RAI1: variants seen among roughly 807,000 people sequenced by gnomAD.
RAI1 encodes the protein retinoic acid induced 1.
A neutral mutation model predicts 123.8 loss-of-function variants in RAI1; 9 were observed. The observed-to-expected ratio is 0.07, with a 90% CI of 0.04 to 0.13. The LOEUF (loss-of-function observed/expected upper bound fraction) is 0.13. RAI1 is among the 10% of genes least tolerant of loss of function. RAI1 has a pLI of 1.00. For missense variants in RAI1, 2,256 were observed against 2,545.8 expected (o/e 0.89, Z 2.45); for synonymous variants, 1,231 against 1,127.3 (o/e 1.09, Z -1.84).
intron 2 of RAI1, among the ~76,000 whole-genome samples, chr17:17,785,700 C>G (rs570295811): frequency 6.6e-6 from 1 of 152,174 alleles, no homozygotes; most frequent in Non-Finnish European, 1.5e-5. Flanking sequence ...CTGAGTGCAC[C>G]TCCTGCACGG....
rs1406831309 is a variant in RAI1, at chr17:17,794,121, C to A, written c.1173C>A (p.His391Gln). Residue 391 changes from histidine to glutamine, a missense_variant, in exon 3 of 6, where the codon CAC becomes CAA. Transcript: ENST00000353383. ...AFPAGITDHS[H>Q]FMPLLNPSPT... ...CCGCAGGGATCACTGACCACAGCCA[C>A]TTCATGCCCCTGCTCAATCCCTCCC... 1.2e-6 allele frequency: 2 copies of A among 1,614,026 alleles called. No homozygotes were observed. Among genetic ancestry groups the A allele is most frequent in the African/African-American group, 2.7e-5 (2 of 74,940 alleles).
intron 1 of RAI1, among the ~76,000 whole-genome samples, chr17:17,705,286 A>C (rs995935057): frequency 6.6e-6 from 1 of 152,106 alleles, no homozygotes; most frequent in Non-Finnish European, 1.5e-5. Flanking sequence ...TCATTTTCTC[A>C]CTCATTTGTT....
At position 17,798,346 on chromosome 17, in the gene RAI1, G is replaced by T. The variant is rs777865239; in HGVS notation, c.5398G>T (p.Asp1800Tyr). 9 of 1,603,576 alleles carry T rather than the reference G, an allele frequency of 5.6e-6. No individual in the cohort carries two copies. Among genetic ancestry groups the T allele is most frequent in the East Asian group, 2.2e-5 (1 of 44,506 alleles). The change falls in exon 3 of 6, where the codon GAC becomes TAC. Residue 1800 changes from aspartate (D) to tyrosine (Y), a missense_variant. Coordinates refer to ENST00000353383, the MANE Select transcript of RAI1 (RefSeq NM_030665.4). The part of the protein sequence containing the change: ...EDGGEEAAPA[D>Y]KGRKHECSKE... ...TGGGGGCGAGGAGGCAGCCCCAGCC[G>T]ACAAGGGTCGCAAACATGAGTGCAG...
intron 2 of RAI1, among the ~76,000 whole-genome samples, chr17:17,783,975 C>T (rs1009608814): frequency 1.3e-5 from 2 of 152,178 alleles, no homozygotes; most frequent in African/African-American, 2.4e-5. Context: ...ATTTCCTCCT[C>T]TCTCTCTCCC....
chr17:17,754,968 C>T (rs1029544540), intron 2 of RAI1, among the ~76,000 whole-genome samples: 1 of 152,214 alleles, frequency 6.6e-6, no homozygotes. Context: ...TCTGGAGCGG[C>T]TTTATGAACA....
At chr17:17,782,025 G>C (rs1160310753) in intron 2 of RAI1, 3 of 152,222 alleles carry the variant, frequency 2.0e-5, no homozygotes, top group African/African-American at 7.2e-5. Context: ...GGGGTGGGAG[G>C]GAGAGAGGGA....
In RAI1 at chr17:17,793,496, T is replaced by G. The variant is rs2143001617; in HGVS notation, c.548T>G (p.Leu183Arg). 1 of 1,613,972 alleles carries G rather than the reference T, an allele frequency of 6.2e-7. No individual in the cohort carries two copies. The highest frequency in any genetic ancestry group is 8.5e-7 in the Non-Finnish European group (1 of 1,180,010). The change falls in exon 3 of 6, where the codon CTG (leucine) becomes CGG (arginine). Residue 183 changes from leucine (L) to arginine (R), a missense_variant. Coordinates refer to ENST00000353383, the MANE Select transcript of RAI1 (RefSeq NM_030665.4). ...VQQPPPPQQP[L>R]AYPKLQRQKL... ...CAGCCACCGCCGCCCCAGCAGCCCC[T>G]GGCATACCCCAAGCTCCAAAGGCAG...
intron 2 of RAI1, among the ~76,000 whole-genome samples, chr17:17,748,582 A>G (rs1442716423): frequency 6.6e-6 from 1 of 152,236 alleles, no homozygotes; most frequent in African/African-American, 2.4e-5. Context: ...AGGATCAGAG[A>G]GGGGAGGTTG....
chr17:17,702,626 A>T (rs1226306843), intron 1 of RAI1, among the ~76,000 whole-genome samples: 2 of 152,168 alleles, frequency 1.3e-5, no homozygotes, highest in Non-Finnish European at 2.9e-5. Context: ...AGGTGGTAGA[A>T]ACCTAGAGGG....
chr17:17,798,538 G>T lies in RAI1; in HGVS notation c.5565+25G>T, dbSNP rs746962736. ...GGTAAGAGGCCAGCCCAGCCAGGGT[G>T]GGGAGTGTGGGGTTCCAAAGGACAG... On this transcript the variant is annotated intron_variant, in intron 3 of 5. Coordinates refer to ENST00000353383, the MANE Select transcript of RAI1 (RefSeq NM_030665.4). The T allele has an allele frequency of 3.1e-6, 5 of 1,597,262 alleles. No individual in the cohort carries two copies. The African/African-American group carries it at 6.7e-5, about 21-fold the overall frequency.
At chr17:17,754,323 G>T (rs2030343759) in intron 2 of RAI1, among the ~76,000 whole-genome samples, 1 of 146,776 alleles carries the variant, frequency 6.8e-6, no homozygotes, top group South Asian at 2.2e-4. Context: ...TCCTGCCTCA[G>T]CCCCCCGGGT....
chr17:17,797,924 A>C lies in RAI1; in HGVS notation c.4976A>C (p.Gln1659Pro). Reference sequence around the variant, plus strand: ...ACACTCCCTGGAGGCTCCATCCTGCAGCCGCGGCCCTCCTTGCCCCTCTCC... The same window carrying C: ...ACACTCCCTGGAGGCTCCATCCTGCCGCCGCGGCCCTCCTTGCCCCTCTCC... ...LATLPGGSIL[Q>P]PRPSLPLSST... The change falls in exon 3 of 6, where the codon CAG becomes CCG. Residue 1659 changes from glutamine (Q) to proline (P), a missense_variant. Transcript: ENST00000353383. The C allele has an allele frequency of 6.2e-7, 1 of 1,613,962 alleles. No individual in the cohort carries two copies.
chr17:17,810,542 G>T lies in RAI1; in HGVS notation c.*561G>T, dbSNP rs1308035788. ...CTGAGAGCGGGCTAGGCCGGCACTG[G>T]AGAGGCCGGAGCCTTTGGAACAAAC... On this transcript the variant is annotated 3_prime_UTR_variant, in exon 6 of 6. Coordinates refer to ENST00000353383, the MANE Select transcript of RAI1 (RefSeq NM_030665.4). The surrounding 1 kb of genome is among the most constrained non-coding windows in gnomAD (Gnocchi z 4.6). 6.8e-6 allele frequency: 2 copies of T among 292,488 alleles called. No individual in the cohort carries two copies. The highest frequency in any genetic ancestry group is 1.4e-5 in the Non-Finnish European group (2 of 146,786). The allele number at this position is 292,488 out of a possible 1,614,324, so 18.1% of individuals were successfully genotyped here. A position where few individuals can be genotyped will look rare whatever the true frequency, so the allele number is the denominator to read the frequency against.
intron 1 of RAI1, among the ~76,000 whole-genome samples, chr17:17,710,630 C>A (rs1243389140): frequency 6.6e-6 from 1 of 152,214 alleles, no homozygotes; most frequent in South Asian, 2.1e-4. Context: ...CCTCACCCAG[C>A]CCCACCTGGC....
chr17:17,705,893 G>A (rs372876329), intron 1 of RAI1, among the ~76,000 whole-genome samples: 3 of 150,504 alleles, frequency 2.0e-5, no homozygotes, highest in East Asian at 2.0e-4. Flanking sequence ...GCATGGTGGC[G>A]CGTGCCTGTA....
At chr17:17,696,523 G>A (rs1308664992) in intron 1 of RAI1, among the ~76,000 whole-genome samples, 1 of 152,206 alleles carries the variant, frequency 6.6e-6, no homozygotes, top group African/African-American at 2.4e-5. Flanking sequence ...TGTTTAAGAT[G>A]CTCCTGAACC....
At chr17:17,780,640 G>T (rs1323243121) in intron 2 of RAI1, among the ~76,000 whole-genome samples, 1 of 152,218 alleles carries the variant, frequency 6.6e-6, no homozygotes, top group African/African-American at 2.4e-5. Context: ...TCCCAGAAGG[G>T]CAGTTTGAGA....
chr17:17,791,269 G>A (rs1193264475), intron 2 of RAI1, among the ~76,000 whole-genome samples: 1 of 152,230 alleles, frequency 6.6e-6, no homozygotes, highest in Non-Finnish European at 1.5e-5. Context: ...GGCTTGCCCT[G>A]CTCTCAGGCA....
rs1301269664 is a variant in RAI1 at position 17,803,720 on chromosome 17, C to T, written c.5566-36C>T. On this transcript the variant is annotated intron_variant, in intron 3 of 5. Coordinates refer to ENST00000353383, the MANE Select transcript of RAI1 (RefSeq NM_030665.4). ...GTAAAGCTTGAGGGCTGGGCTCCAA[C>T]TGGAGACTCACCTGCCTTTCCTTTC... The T allele has an allele frequency of 1.9e-6, 3 of 1,587,988 alleles. No homozygotes were observed. The African/African-American group carries it at 4.0e-5, about 21-fold the overall frequency.
Sources: gnomAD v4.1 joint callset for allele counts (sites outside exome capture counted in the v4.1 genomes callset) on GRCh38, gnomAD v4.1.1 for gene constraint, Gnocchi (gnomAD v3.1) non-coding constraint, MANE v1.5 for transcripts, NCBI Gene and HGNC (gene_info 2026-07-23, HGNC 2026-07-21) for gene names.